The following AIFM3 variants were observed in gnomAD, a reference collection of about 807,000 sequenced individuals.
AIFM3 encodes AIF family member 3.
AIFM3 carries 71 observed loss-of-function variants against 82.7 expected under a neutral mutation model. That is an observed-to-expected ratio of 0.86 (90% CI 0.71 to 1.05). The LOEUF (loss-of-function observed/expected upper bound fraction) is 1.05, where lower values mean the gene tolerates loss of function less well. AIFM3 is among the 50% of genes least tolerant of loss of function. The pLI is 0.00. For missense variants in AIFM3, 748 were observed against 816.7 expected (o/e 0.92, Z 1.03); for synonymous variants, 337 against 329.1 (o/e 1.02, Z -0.26).
chr22:20,965,297 T>G (rs1922802931), upstream of AIFM3: 1 of 150,240 alleles, frequency 6.7e-6, no homozygotes, highest in Non-Finnish European at 1.5e-5. Flanking sequence ...GGGCCAGCGC[T>G]TGCGCTCCCA....
intron 8 of AIFM3, 109 bp downstream of exon 8, chr22:20,974,925 T>C: frequency 9.6e-7 from 1 of 1,037,706 alleles, no homozygotes; most frequent in Non-Finnish European, 1.4e-6. Context: ...CCTCCCTGCT[T>C]ATGCCAGGCC....
chr22:20,980,108 C>T lies in AIFM3; in HGVS notation c.1741C>T (p.Arg581Trp), dbSNP rs1325530847. Residue 581 changes from arginine (R) to tryptophan (W), a missense_variant, in exon 19 of 21, where the codon CGG becomes TGG. Transcript: ENST00000440238. ...GGTGCTGGCCTCAGGCCGTGCCATC[C>T]GGAAGCGGGAGGTGGAGTGAGTGTG... ...AEVLASGRAI[R>W]KREVELFVLH... is the part of the protein sequence containing the mutation. 5 of 1,608,422 alleles carry T rather than the reference C, an allele frequency of 3.1e-6. No individual in the cohort carries two copies. The highest frequency in any genetic ancestry group is 2.7e-5 in the African/African-American group (2 of 74,938).
intron 2 of AIFM3, among the ~76,000 whole-genome samples, chr22:20,971,977 G>T (rs1018357688): frequency 5.3e-5 from 8 of 151,924 alleles, no homozygotes; most frequent in South Asian, 2.1e-4. Context: ...GGGGGGGGGG[G>T]GCTGTGCCCC....
At chr22:20,980,543 T>C (rs527984492) in intron 19 of AIFM3, 3 of 663,332 alleles carry the variant, frequency 4.5e-6, no homozygotes, top group Middle Eastern at 3.9e-4. Flanking sequence ...CACCAGCCAG[T>C]TCCCTTATCC....
In AIFM3 at chr22:20,974,912, T is replaced by G. The variant is rs1044537741; in HGVS notation, c.720+96T>G. 8 of 1,191,946 alleles carry G rather than the reference T, an allele frequency of 6.7e-6. No homozygotes were observed. The Admixed American group carries it at 8.6e-5, about 13-fold the overall frequency. 73.8% of individuals were successfully genotyped at this position (1,191,946 alleles called of 1,614,324 possible). A position where few individuals can be genotyped will look rare whatever the true frequency, so the allele number is the denominator to read the frequency against. On this transcript the variant is annotated intron_variant, in intron 8 of 20. Coordinates refer to ENST00000440238, the MANE Select transcript of AIFM3 (RefSeq NM_001386814.1). ...GTCACCCCATTGGGGTCTGGCCGGC[T>G]GCCCTCCCTGCTTATGCCAGGCCTG... is the stretch of plus-strand genomic sequence containing the variant.
rs553144251 is a variant in AIFM3 at position 20,968,102 on chromosome 22, C to T, written c.31+127C>T. On this transcript the variant is annotated intron_variant, in intron 2 of 20. Coordinates refer to ENST00000440238, the MANE Select transcript of AIFM3 (RefSeq NM_001386814.1). The stretch of plus-strand genomic sequence containing the variant: ...AGGTCAGGCTATCCAAGAACCCGCT[C>T]GGAATGTTAATACGCTGCCGCCAGG... The T allele has an allele frequency of 1.6e-5, 16 of 972,730 alleles. No individual in the cohort carries two copies. The East Asian group carries it at 2.9e-4, about 18-fold the overall frequency. 60.3% of individuals were successfully genotyped at this position (972,730 alleles called of 1,614,324 possible). A position where few individuals can be genotyped will look rare whatever the true frequency, so the allele number is the denominator to read the frequency against.
intron 17 of AIFM3, 52 bp from the exon 18 acceptor site, chr22:20,979,575 C>G: frequency 1.2e-6 from 2 of 1,605,286 alleles, no homozygotes; most frequent in Non-Finnish European, 1.7e-6. Context: ...CCTGTGACGT[C>G]TCGTTCCCTC....
chr22:20,977,983 T>C lies in AIFM3; in HGVS notation c.1455T>C (p.His485=). 6.2e-7 allele frequency: 1 copy of C among 1,614,120 alleles called. No individual in the cohort carries two copies. The highest frequency in any genetic ancestry group is 8.5e-7 in the Non-Finnish European group (1 of 1,179,998). Residue 485 remains histidine (H), a synonymous_variant, in exon 16 of 21, where the codon CAT becomes CAC. Transcript: ENST00000440238. Reference sequence around the variant, plus strand: ...ACAACCGCAAAGTGAACATTCCACATTGGCAGATGGCTCATGCTCAGGGTA... The same window carrying C: ...ACAACCGCAAAGTGAACATTCCACACTGGCAGATGGCTCATGCTCAGGGTA... ...WRNNRKVNIP[H]WQMAHAQGRV...
At position 20,967,848 on chromosome 22, in the gene AIFM3, A is replaced by G. The variant is rs747876582; in HGVS notation, c.-97A>G. 1.5e-6 allele frequency: 2 copies of G among 1,374,740 alleles called. No individual in the cohort carries two copies. The highest frequency in any genetic ancestry group is 2.1e-6 in the Non-Finnish European group (2 of 966,190). 85.2% of individuals were successfully genotyped at this position (1,374,740 alleles called of 1,614,324 possible). ...CAGGATGGCGGCTCCAGCGTCTCTA[A>G]GGCCTGCAGGGGGTCCAGCCCCATG... On this transcript the variant is annotated 5_prime_UTR_variant, in exon 2 of 21. Coordinates refer to ENST00000440238, the MANE Select transcript of AIFM3 (RefSeq NM_001386814.1).
rs772400232 is a variant in AIFM3, at chr22:20,974,753, C to T, written c.657C>T (p.Ser219=). The part of the protein sequence containing the change: ...CAETLRQEGF[S]DRIVLCTLDR... ...AGACACTGCGGCAGGAGGGCTTCTCCGACCGGATCGTCCTGTGCACGCTAG... is the reference window on the plus strand; with the variant it reads ...AGACACTGCGGCAGGAGGGCTTCTCTGACCGGATCGTCCTGTGCACGCTAG... The change falls in exon 8 of 21, where the codon TCC becomes TCT. Residue 219 remains serine, a synonymous_variant. Transcript: ENST00000440238. 3.5e-5 allele frequency: 57 copies of T among 1,613,610 alleles called. 1 individual carries two copies. The highest frequency in any genetic ancestry group is 3.3e-4 in the South Asian group (30 of 91,064).
At chr22:20,980,200 C>A in intron 19 of AIFM3, 76 bp downstream of exon 19, 1 of 1,369,276 alleles carries the variant, frequency 7.3e-7, no homozygotes. Flanking sequence ...TGACAGCCAG[C>A]CGCCCCCACA....
At position 20,976,849 on chromosome 22, in the gene AIFM3, G is replaced by A; in HGVS notation, c.1147-18G>A. On this transcript the variant is annotated intron_variant, in intron 12 of 20. Transcript: ENST00000440238. The stretch of plus-strand genomic sequence containing the variant: ...CTGGGCTCTCATCCACCGCCCACCT[G>A]CCCACTTGCCCTGACAGATGTTTGA... 6.3e-7 allele frequency: 1 copy of A among 1,594,608 alleles called. No homozygotes were observed. Among genetic ancestry groups the A allele is most frequent in the South Asian group, 1.1e-5 (1 of 88,274 alleles).
At chr22:20,975,582 G>C (rs1923586790) in intron 8 of AIFM3, 110 bp from the exon 9 acceptor site, 1 of 1,028,852 alleles carries the variant, frequency 9.7e-7, no homozygotes, top group Non-Finnish European at 1.5e-6. Flanking sequence ...ATCTGGGTTT[G>C]CTGAGTTCTG....
intron 16 of AIFM3, 22 bp from the exon 17 acceptor site, chr22:20,979,249 C>T (rs1267359468): frequency 6.4e-7 from 1 of 1,551,728 alleles, no homozygotes; most frequent in East Asian, 2.4e-5. Context: ...AGTTAGGGTT[C>T]TCACGGCCCT....
chr22:20,972,445 T>C (rs531342640), intron 2 of AIFM3, among the ~76,000 whole-genome samples: 6 of 151,948 alleles, frequency 3.9e-5, no homozygotes, highest in South Asian at 2.1e-4. Context: ...TGCTGTGAAT[T>C]ATGCTGTGTA....
intron 9 of AIFM3, 98 bp from the exon 10 acceptor site, chr22:20,976,117 G>A (rs1335174762): frequency 8.2e-6 from 11 of 1,336,804 alleles, no homozygotes; most frequent in Non-Finnish European, 1.2e-5. Context: ...GCTTCTCAGA[G>A]GCTGTGGCTG....
intron 3 of AIFM3, 49 bp downstream of exon 3, chr22:20,973,569 G>A: frequency 1.9e-6 from 3 of 1,562,756 alleles, no homozygotes; most frequent in Non-Finnish European, 2.6e-6. Flanking sequence ...CCCAAGGTGG[G>A]AGGGTGAGGG....
chr22:20,972,417 A>G lies in AIFM3; in HGVS notation c.32-890A>G, dbSNP rs116107809. On this transcript the variant is annotated intron_variant, in intron 2 of 20. Transcript: ENST00000440238. Reference sequence around the variant, plus strand: ...AACTCCATCTCAAAAAAAAAAAAAAAAGAAGAAGTTGAAATTATGCTGTGA... The same window carrying G: ...AACTCCATCTCAAAAAAAAAAAAAAGAGAAGAAGTTGAAATTATGCTGTGA... 2.7e-3 allele frequency among the ~76,000 whole-genome samples: 413 copies of G among 151,822 alleles called. 3 individuals are homozygous for G. Among genetic ancestry groups the G allele is most frequent in the African/African-American group, 8.9e-3 (370 of 41,428 alleles).
upstream of AIFM3, chr22:20,965,274 GC>G: frequency 6.6e-6 from 1 of 151,152 alleles, no homozygotes; most frequent in East Asian, 2.0e-4. Flanking sequence ...CCGCCTCTTC[GC>G]CCCGGCGCCG....
Sources: allele counts gnomAD v4.1 joint callset (sites outside exome capture counted in the v4.1 genomes callset), GRCh38; gene constraint gnomAD v4.1.1; transcripts MANE v1.5; gene names NCBI Gene and HGNC (gene_info 2026-07-23, HGNC 2026-07-21).